Variants in HS3ST4 observed in about 807,000 individuals in gnomAD.
HS3ST4 encodes heparan sulfate glucosamine 3-O-sulfotransferase 4.
A neutral mutation model predicts 29.2 loss-of-function variants in HS3ST4; 17 were observed. The observed-to-expected ratio is 0.58, with a 90% CI of 0.40 to 0.87. HS3ST4 has a LOEUF of 0.87. Among genes scored for constraint, HS3ST4 ranks in the 40% least tolerant of loss-of-function variants. The pLI, the probability that HS3ST4 is intolerant of heterozygous loss-of-function variation, is 0.00. For synonymous variants in HS3ST4, 314 were observed against 285.7 expected, an observed-to-expected ratio of 1.10 and a Z score of -1.00; for missense variants, 627 against 634.5, an observed-to-expected ratio of 0.99 and a Z score of 0.13.
At chr16:25,857,225 G>C (rs967359353) in intron 1 of HS3ST4, among the ~76,000 whole-genome samples, 1 of 152,124 alleles carries the variant, frequency 6.6e-6, no homozygotes, top group Non-Finnish European at 1.5e-5. Context: ...GCCTCCAGGA[G>C]CTTCTTCTCC....
intron 1 of HS3ST4, among the ~76,000 whole-genome samples, chr16:25,764,511 G>T (rs540393517): frequency 6.6e-6 from 1 of 152,178 alleles, no homozygotes; most frequent in African/African-American, 2.4e-5. Context: ...GTGTATGTGC[G>T]TGTTTTTTCC....
chr16:26,113,470 A>ATG (rs55722050), intron 1 of HS3ST4, among the ~76,000 whole-genome samples: 11,856 of 132,096 alleles, frequency 0.09, 601 homozygotes, highest in African/African-American at 0.13. Context: ...ACAATATATG[A>ATG]TGTGTGTGTG....
intron 1 of HS3ST4, among the ~76,000 whole-genome samples, chr16:25,857,566 A>G (rs1490581109): frequency 6.6e-6 from 1 of 152,070 alleles, no homozygotes; most frequent in African/African-American, 2.4e-5. Flanking sequence ...TGGGGTGTTT[A>G]TCGTGTTTGT....
chr16:26,107,662 A>G lies in HS3ST4; in HGVS notation c.735-27950A>G, dbSNP rs138799769. Among the ~76,000 whole-genome samples, 382 of 152,292 alleles carry G rather than the reference A, an allele frequency of 2.5e-3. 2 individuals are homozygous for G. Among genetic ancestry groups the G allele is most frequent in the African/African-American group, 8.4e-3 (350 of 41,570 alleles). ...TATGATATTTGGTTTTCCATTCTTC[A>G]GTTACTTCACATAGAATAATGGCCT... is the stretch of plus-strand genomic sequence containing the variant. On this transcript the variant is annotated intron_variant, in intron 1 of 1. Coordinates refer to ENST00000331351, the MANE Select transcript of HS3ST4 (RefSeq NM_006040.3).
Position 25,880,913 on chromosome 16 carries a change from G to A in HS3ST4, c.734+187762G>A, listed in dbSNP as rs115303382. 5.8e-3 allele frequency among the ~76,000 whole-genome samples: 883 copies of A among 152,284 alleles called. 16 individuals are homozygous for A. Among genetic ancestry groups the A allele is most frequent in the African/African-American group, 0.021 (855 of 41,552 alleles). ...TAGTTCAGTGGTTTTGTGGGAGGAT[G>A]TATTTGACAGGTGGTCTCCTCTAGT... On this transcript the variant is annotated intron_variant, in intron 1 of 1. Coordinates refer to ENST00000331351, the MANE Select transcript of HS3ST4 (RefSeq NM_006040.3).
chr16:25,957,218 GAA>G (rs1359104786), intron 1 of HS3ST4, among the ~76,000 whole-genome samples: 1 of 151,944 alleles, frequency 6.6e-6, no homozygotes, highest in Non-Finnish European at 1.5e-5. Flanking sequence ...TCCTCCTTTA[GAA>G]AAAACCTCCC....
intron 1 of HS3ST4, among the ~76,000 whole-genome samples, chr16:26,115,483 T>C (rs1177209381): frequency 6.6e-6 from 1 of 151,890 alleles, no homozygotes; most frequent in Non-Finnish European, 1.5e-5. Context: ...TGATGGCTGA[T>C]GGAGATGGCT....
At chr16:26,084,293 C>T (rs550966583) in intron 1 of HS3ST4, among the ~76,000 whole-genome samples, 4 of 152,320 alleles carry the variant, frequency 2.6e-5, no homozygotes, top group African/African-American at 7.2e-5. Context: ...GAGCCTCCAG[C>T]TTATGAGGCT....
chr16:26,085,246 C>A (rs1898772927), intron 1 of HS3ST4, among the ~76,000 whole-genome samples: 1 of 152,212 alleles, frequency 6.6e-6, no homozygotes, highest in Non-Finnish European at 1.5e-5. Flanking sequence ...ACAACAGTAA[C>A]ACCCACTTCT....
chr16:25,724,105 T>A, intron 1 of HS3ST4, among the ~76,000 whole-genome samples: 1 of 84,946 alleles, frequency 1.2e-5, no homozygotes, highest in African/African-American at 4.7e-5. Flanking sequence ...AGAGCGAGAC[T>A]CCATCTCAAA....
intron 1 of HS3ST4, among the ~76,000 whole-genome samples, chr16:26,033,459 G>T (rs1298588395): frequency 1.3e-5 from 2 of 150,074 alleles, no homozygotes; most frequent in East Asian, 3.9e-4. Context: ...AGATTGCAGT[G>T]AGCTGAGATC....
chr16:25,927,892 T>C (rs1254771278), intron 1 of HS3ST4, among the ~76,000 whole-genome samples: 1 of 151,928 alleles, frequency 6.6e-6, no homozygotes, highest in Non-Finnish European at 1.5e-5. Context: ...CTGTTCTGAT[T>C]AATCATTTAG....
chr16:26,080,902 A>T (rs895020321), intron 1 of HS3ST4, among the ~76,000 whole-genome samples: 8 of 152,214 alleles, frequency 5.3e-5, no homozygotes, highest in Non-Finnish European at 7.3e-5. Context: ...CATCTGCAAC[A>T]TCTTGCTCAT....
intron 1 of HS3ST4, among the ~76,000 whole-genome samples, chr16:26,002,138 T>G (rs1355544497): frequency 6.6e-6 from 1 of 152,204 alleles, no homozygotes; most frequent in African/African-American, 2.4e-5. Flanking sequence ...TTGATGGTTC[T>G]GTAGGATTTT....
chr16:25,762,998 A>G (rs1405539527), intron 1 of HS3ST4, among the ~76,000 whole-genome samples: 1 of 152,038 alleles, frequency 6.6e-6, no homozygotes, highest in Non-Finnish European at 1.5e-5. Context: ...TGCATGTTAG[A>G]GACAAGAGAC....
chr16:25,945,130 T>C (rs1045339654), intron 1 of HS3ST4, among the ~76,000 whole-genome samples: 3 of 152,200 alleles, frequency 2.0e-5, no homozygotes, highest in Non-Finnish European at 2.9e-5. Context: ...TATAGTATAA[T>C]GTATCAGACC....
intron 1 of HS3ST4, among the ~76,000 whole-genome samples, chr16:25,705,018 C>A (rs1186223240): frequency 6.6e-6 from 1 of 152,158 alleles, no homozygotes; most frequent in Non-Finnish European, 1.5e-5. Flanking sequence ...CCGCACCCGG[C>A]CCTGGGTGCC....
At chr16:26,013,324 T>A (rs1001772253) in intron 1 of HS3ST4, among the ~76,000 whole-genome samples, 2 of 152,220 alleles carry the variant, frequency 1.3e-5, no homozygotes, top group Non-Finnish European at 2.9e-5. Flanking sequence ...TGTGTGAATT[T>A]GAGCAATTTA....
At chr16:25,997,406 G>A (rs1290779661) in intron 1 of HS3ST4, among the ~76,000 whole-genome samples, 3 of 152,038 alleles carry the variant, frequency 2.0e-5, no homozygotes, top group African/African-American at 7.2e-5. Context: ...AAATCTTTTC[G>A]TGGGCAAATG....
Sources: allele counts gnomAD v4.1 joint callset (sites outside exome capture counted in the v4.1 genomes callset), GRCh38; gene constraint gnomAD v4.1.1; transcripts MANE v1.5; gene names NCBI Gene and HGNC (gene_info 2026-07-23, HGNC 2026-07-21).